The following UBR4 variants were observed in gnomAD, a reference collection of about 807,000 sequenced individuals.
UBR4 encodes the protein E3 ubiquitin-protein ligase UBR4.
In UBR4, 124 loss-of-function variants were observed where a neutral mutation model predicts 575.6. The ratio of observed to expected loss-of-function variants is 0.22; its 90% CI spans 0.19 to 0.25. The LOEUF (loss-of-function observed/expected upper bound fraction) is 0.25, where lower values mean the gene tolerates loss of function less well. Among genes scored for constraint, UBR4 ranks in the 10% least tolerant of loss-of-function variants. UBR4 has a pLI of 1.00. For missense variants in UBR4, 4,818 were observed against 6,478.8 expected, an observed-to-expected ratio of 0.74 and a Z score of 8.80; for synonymous variants, 2,455 against 2,473.7, an observed-to-expected ratio of 0.99 and a Z score of 0.22.
chr1:19,157,756 T>C lies in UBR4; in HGVS notation c.5760+59A>G, dbSNP rs200169026. The stretch of plus-strand genomic sequence containing the variant: ...ATCCGAATGTGGTCATCAATTTGTT[T>C]TGCTTAGCATTTAAGACAATATGAC... On this transcript the variant is annotated intron_variant, in intron 40 of 105. Coordinates refer to ENST00000375254, the MANE Select transcript of UBR4 (RefSeq NM_020765.3). This position sits in a 1 kb window ranked among gnomAD's most constrained non-coding sequence, Gnocchi z 4.4. 2.7e-4 allele frequency: 420 copies of C among 1,570,296 alleles called. No homozygotes were observed. The highest frequency in any genetic ancestry group is 3.5e-4 in the Non-Finnish European group (400 of 1,152,884).
In UBR4 at chr1:19,123,137, G is replaced by C. The variant is rs950346194; in HGVS notation, c.9589-77C>G. ...ATCAACTGTGGCTCTCACACCCTGG[G>C]TTTTAATAAACTGTTATTAAAAGCT... On this transcript the variant is annotated intron_variant, in intron 65 of 105. Transcript: ENST00000375254. 2.7e-6 allele frequency: 4 copies of C among 1,477,846 alleles called. No homozygotes were observed. In the African/African-American group the frequency reaches 5.6e-5, roughly 21 times the overall value. The allele number at this position is 1,477,846 out of a possible 1,614,324, so 91.5% of individuals were successfully genotyped here.
rs749708262 is a variant in UBR4, at chr1:19,198,732, C to CAAAGGTGCCATGGA, written c.508+53_509-53dup. 9.3e-6 allele frequency: 15 copies of CAAAGGTGCCATGGA among 1,612,526 alleles called. 1 individual carries two copies. The South Asian group carries it at 1.6e-4, about 18-fold the overall frequency. ...GGCTGAGGAAAGTGCCACTAGAAGG[C>CAAAGGTGCCATGGA]AAAGGTGCCATGGAAAAGGTGCCAT... On this transcript the variant is annotated intron_variant, in intron 4 of 105. Transcript: ENST00000375254.
At chr1:19,096,803 G>A (rs1417789926) in intron 91 of UBR4, among the ~76,000 whole-genome samples, 153 bp from the exon 92 acceptor site, 1 of 151,978 alleles carries the variant, frequency 6.6e-6, no homozygotes, top group Non-Finnish European at 1.5e-5. Context: ...GGTCAATGAT[G>A]GATGATATTA....
Position 19,140,863 on chromosome 1 carries a change from TCTGCAGGCCCAGGGCA to T in UBR4, c.8502_8517del (p.Ser2834ArgfsTer137). On this transcript the variant is annotated frameshift_variant, in exon 58 of 106. Coordinates refer to ENST00000375254, the MANE Select transcript of UBR4 (RefSeq NM_020765.3). LOFTEE classifies it high-confidence loss of function. ...GGTGCCTGGCCGGACAGTCCCAGGC[TCTGCAGGCCCAGGGCA>T]CTGCTGCTGCTGCCTGGGAAACAAG... is the stretch of plus-strand genomic sequence containing the variant. The T allele has an allele frequency of 6.2e-7, 1 of 1,612,162 alleles. No individual in the cohort carries two copies. The highest frequency in any genetic ancestry group is 8.5e-7 in the Non-Finnish European group (1 of 1,179,726).
intron 97 of UBR4, among the ~76,000 whole-genome samples, chr1:19,091,256 C>G (rs1168033510): frequency 6.6e-6 from 1 of 152,124 alleles, no homozygotes; most frequent in Non-Finnish European, 1.5e-5. Flanking sequence ...AATTCCTATG[C>G]AGGAAAAAGT....
intron 17 of UBR4, among the ~76,000 whole-genome samples, chr1:19,182,785 C>T (rs2091127369): frequency 6.6e-6 from 1 of 152,070 alleles, no homozygotes; most frequent in Admixed American, 6.6e-5. Context: ...CAATACAGTA[C>T]TATATCATAC....
At chr1:19,146,622 G>A (rs879789926) in intron 52 of UBR4, among the ~76,000 whole-genome samples, 16 of 152,124 alleles carry the variant, frequency 1.1e-4, no homozygotes, top group South Asian at 2.1e-4. Flanking sequence ...AAGGATAATC[G>A]AAAGTATAAG....
intron 99 of UBR4, among the ~76,000 whole-genome samples, chr1:19,087,566 G>C (rs1201169422): frequency 6.6e-6 from 1 of 152,222 alleles, no homozygotes; most frequent in Non-Finnish European, 1.5e-5. Flanking sequence ...CTGAGCATGA[G>C]GCCTCACATA....
At chr1:19,098,701 G>T (rs559179196) in intron 90 of UBR4, among the ~76,000 whole-genome samples, 1 of 152,250 alleles carries the variant, frequency 6.6e-6, no homozygotes, top group African/African-American at 2.4e-5. Flanking sequence ...CAGCCCAGTG[G>T]GAGAAAAGAA....
chr1:19,184,479 T>C (rs569957404), intron 15 of UBR4, among the ~76,000 whole-genome samples: 46 of 152,302 alleles, frequency 3.0e-4, no homozygotes, highest in African/African-American at 9.6e-4. Flanking sequence ...CTAAGGTCCT[T>C]TGTCCGGCTC....
chr1:19,093,894 G>A lies in UBR4; in HGVS notation c.13937+55C>T, dbSNP rs2077771367. The A allele has an allele frequency of 3.8e-6, 6 of 1,558,802 alleles. No individual in the cohort carries two copies. Among genetic ancestry groups the A allele is most frequent in the Non-Finnish European group, 5.2e-6 (6 of 1,146,084 alleles). ...GATTCTTCCTCATCTCACAGACCTA[G>A]TTCGGCGTTTTAGTGGAGACTCTCA... On this transcript the variant is annotated intron_variant, in intron 95 of 105. Coordinates refer to ENST00000375254, the MANE Select transcript of UBR4 (RefSeq NM_020765.3). The surrounding 1 kb of genome is among the most constrained non-coding windows in gnomAD (Gnocchi z 4.8).
At chr1:19,167,994 T>TA (rs1557877510) in intron 28 of UBR4, 33 bp downstream of exon 28, 1 of 1,577,560 alleles carries the variant, frequency 6.3e-7, no homozygotes, top group Admixed American at 1.8e-5. Context: ...AATACAGACA[T>TA]AGAGTCCTTG....
Position 19,115,734 on chromosome 1 carries a change from A to C in UBR4, c.10824-97T>G, listed in dbSNP as rs965785926. 93 of 1,517,834 alleles carry C rather than the reference A, an allele frequency of 6.1e-5. No homozygotes were observed. In the South Asian group the frequency reaches 1.1e-3, roughly 18 times the overall value. 94.0% of individuals were successfully genotyped at this position (1,517,834 alleles called of 1,614,324 possible). On this transcript the variant is annotated intron_variant, in intron 73 of 105. Coordinates refer to ENST00000375254, the MANE Select transcript of UBR4 (RefSeq NM_020765.3). ...GAAGACTGTCCCATGTATTTTTCTA[A>C]GGCAATTAAGTGGTTACTCTAAGGA...
intron 1 of UBR4, among the ~76,000 whole-genome samples, chr1:19,206,456 G>A (rs992057190): frequency 4.6e-5 from 7 of 152,042 alleles, no homozygotes; most frequent in African/African-American, 1.7e-4. Context: ...CTCCCGAGTA[G>A]CTGGGATTAT....
chr1:19,088,736 G>A lies in UBR4; in HGVS notation c.14430+23C>T, dbSNP rs1024584663. On this transcript the variant is annotated intron_variant, in intron 98 of 105. Transcript: ENST00000375254. This position sits in a 1 kb window ranked among gnomAD's most constrained non-coding sequence, Gnocchi z 4.0. ...CATCAACAGTGTGGGCAGAAATATGGGGACTCTAGGTGGTAGCTTTACCGT... is the reference window on the plus strand; with the variant it reads ...CATCAACAGTGTGGGCAGAAATATGAGGACTCTAGGTGGTAGCTTTACCGT... 1.2e-6 allele frequency: 2 copies of A among 1,610,948 alleles called. No homozygotes were observed. The highest frequency in any genetic ancestry group is 1.3e-5 in the African/African-American group (1 of 74,890).
At chr1:19,159,707 C>T (rs1245846671) in intron 39 of UBR4, among the ~76,000 whole-genome samples, 1 of 151,766 alleles carries the variant, frequency 6.6e-6, no homozygotes, top group Non-Finnish European at 1.5e-5. Context: ...AGTGATGCTC[C>T]CACATTAGCC....
intron 102 of UBR4, chr1:19,082,381 A>C (rs1388517698): frequency 3.9e-5 from 6 of 152,454 alleles, no homozygotes; most frequent in Non-Finnish European, 8.8e-5. Flanking sequence ...CCCAAGTCTC[A>C]CATCGTGGAA....
rs1036648805 is a variant in UBR4, at chr1:19,151,692, G to C, written c.7164C>G (p.Pro2388=). 2.5e-6 allele frequency: 4 copies of C among 1,614,174 alleles called. No homozygotes were observed. The highest frequency in any genetic ancestry group is 3.4e-6 in the Non-Finnish European group (4 of 1,180,018). ...NLSRSRWFDF[P]FTREEALQAD... is the part of the protein sequence containing the mutation. ...CCTGCAGGGCTTCTTCTCTGGTGAA[G>C]GGGAAGTCAAACCAGCGTGAGCGAC... The change falls in exon 48 of 106, where the codon CCC becomes CCG. Residue 2388 remains proline (P), a synonymous_variant. Transcript: ENST00000375254.
Position 19,164,929 on chromosome 1 carries a change from G to C in UBR4, c.4381C>G (p.Pro1461Ala). ...GSLAQLACVE[P>A]VRLQAWLTRM... ...GTGAGCCAGGCCTGCAGGCGCACAG[G>C]TTCCACACAGGCCAGTTGTGCCAGG... Residue 1461 changes from proline to alanine, a missense_variant, in exon 32 of 106, where the codon CCT becomes GCT. By Grantham distance (27) the Pro-to-Ala change is conservative. This residue lies in a region of UBR4 where 1,172 missense variants were observed against 1,259.7 expected (regional missense o/e 0.93). Transcript: ENST00000375254. 1 of 1,614,172 alleles carries C rather than the reference G, an allele frequency of 6.2e-7. No homozygotes were observed. Among genetic ancestry groups the C allele is most frequent in the South Asian group, 1.1e-5 (1 of 91,090 alleles).
Sources: gnomAD v4.1 joint callset for allele counts (sites outside exome capture counted in the v4.1 genomes callset) on GRCh38, gnomAD v4.1.1 for gene constraint, gnomAD v4.1.1 regional missense constraint, Gnocchi (gnomAD v3.1) non-coding constraint, MANE v1.5 for transcripts, NCBI Gene and HGNC (gene_info 2026-07-23, HGNC 2026-07-21) for gene names.